The following RSRC1 variants were observed in gnomAD, a reference collection of about 807,000 sequenced individuals.
RSRC1 encodes arginine and serine rich coiled-coil 1, also known as serine/Arginine-related protein 53.
Under a neutral mutation model 49.1 loss-of-function variants are expected in RSRC1, and 39 were observed. That is an observed-to-expected ratio of 0.79 (90% CI 0.61 to 1.04). The LOEUF is 1.04. Among genes scored for constraint, RSRC1 ranks in the 50% least tolerant of loss-of-function variants. The pLI, the probability that RSRC1 is intolerant of heterozygous loss-of-function variation, is 0.00. For missense variants in RSRC1, 388 were observed against 402.4 expected, an observed-to-expected ratio of 0.96 and a Z score of 0.31; for synonymous variants, 143 against 130.8, an observed-to-expected ratio of 1.09 and a Z score of -0.63.
At chr3:158,142,665 C>A (rs753252904) in intron 3 of RSRC1, among the ~76,000 whole-genome samples, 3 of 151,984 alleles carry the variant, frequency 2.0e-5, no homozygotes, top group African/African-American at 4.8e-5. Flanking sequence ...AGTGTCACAC[C>A]CTTTTAAACA....
intron 5 of RSRC1, among the ~76,000 whole-genome samples, chr3:158,325,489 C>T (rs1047227786): frequency 7.2e-5 from 11 of 152,168 alleles, no homozygotes; most frequent in Admixed American, 6.5e-4. Context: ...ATAGGGAATC[C>T]TTTCCTCATT....
At chr3:158,437,300 T>C (rs758196829) in intron 6 of RSRC1, among the ~76,000 whole-genome samples, 7 of 152,126 alleles carry the variant, frequency 4.6e-5, no homozygotes, top group Non-Finnish European at 4.4e-5. Context: ...TATTTCCTTT[T>C]CTAAAATTGA....
At chr3:158,383,287 A>C (rs1360490598) in intron 6 of RSRC1, among the ~76,000 whole-genome samples, 1 of 152,192 alleles carries the variant, frequency 6.6e-6, no homozygotes, top group Non-Finnish European at 1.5e-5. Flanking sequence ...GAAGACATAT[A>C]GTTGGCCCTC....
chr3:158,494,785 A>G (rs1739239898), intron 7 of RSRC1, among the ~76,000 whole-genome samples: 1 of 152,162 alleles, frequency 6.6e-6, no homozygotes, highest in Non-Finnish European at 1.5e-5. Flanking sequence ...CAGAATTGTC[A>G]ATATCAACGT....
At chr3:158,131,944 A>T (rs1716054754) in intron 3 of RSRC1, 1 of 191,830 alleles carries the variant, frequency 5.2e-6, no homozygotes, top group African/African-American at 2.3e-5. Context: ...TGTAAAGGCC[A>T]GCATAAATGC....
chr3:158,517,708 C>G (rs1031899771), intron 7 of RSRC1, among the ~76,000 whole-genome samples: 1 of 143,518 alleles, frequency 7.0e-6, no homozygotes, highest in Admixed American at 7.1e-5. Flanking sequence ...TCCACCTCAA[C>G]TTCCCAAAGT....
chr3:158,534,054 T>C (rs1360169116), intron 7 of RSRC1, among the ~76,000 whole-genome samples: 3 of 151,574 alleles, frequency 2.0e-5, no homozygotes, highest in Admixed American at 6.6e-5. Flanking sequence ...TGGGAAGATA[T>C]ATTCTTCCAA....
chr3:158,536,676 AT>A (rs1294604903), intron 7 of RSRC1, among the ~76,000 whole-genome samples: 4 of 151,484 alleles, frequency 2.6e-5, no homozygotes, highest in African/African-American at 9.7e-5. Context: ...TTTTAAATAT[AT>A]CAGATCCACC....
At chr3:158,527,710 G>A (rs1261611861) in intron 7 of RSRC1, among the ~76,000 whole-genome samples, 1 of 151,846 alleles carries the variant, frequency 6.6e-6, no homozygotes, top group Non-Finnish European at 1.5e-5. Flanking sequence ...TTAAACATGA[G>A]ACAGTAAACC....
At chr3:158,474,681 A>T (rs1305092391) in intron 7 of RSRC1, among the ~76,000 whole-genome samples, 1 of 152,150 alleles carries the variant, frequency 6.6e-6, no homozygotes. Context: ...GGAAGCATTC[A>T]TTCTAGTTTC....
intron 5 of RSRC1, among the ~76,000 whole-genome samples, chr3:158,326,626 G>C (rs1180772733): frequency 1.3e-5 from 2 of 152,120 alleles, no homozygotes; most frequent in Non-Finnish European, 1.5e-5. Context: ...GCTGGATTTG[G>C]TTTGCCAGTA....
rs115083590 is a variant in RSRC1, at chr3:158,471,943, G to A, written c.652+10940G>A. ...CATTTTAGGAAAATACCACATTATG[G>A]TTGTTTTTTGTGAAACGACAAAAAA... On this transcript the variant is annotated intron_variant, in intron 7 of 9. Transcript: ENST00000611884. Among the ~76,000 whole-genome samples, 626 of 152,186 alleles carry A rather than the reference G, an allele frequency of 4.1e-3. 4 individuals carry two copies. Among genetic ancestry groups the A allele is most frequent in the African/African-American group, 0.015 (604 of 41,516 alleles).
At chr3:158,415,541 G>A (rs962732885) in intron 6 of RSRC1, among the ~76,000 whole-genome samples, 1 of 151,794 alleles carries the variant, frequency 6.6e-6, no homozygotes, top group African/African-American at 2.4e-5. Context: ...TAAAAATAGG[G>A]TGTTAATATT....
At chr3:158,515,918 C>T (rs1342845951) in intron 7 of RSRC1, among the ~76,000 whole-genome samples, 46 of 151,606 alleles carry the variant, frequency 3.0e-4, no homozygotes, top group Admixed American at 5.2e-4. Context: ...GCATTCTTCA[C>T]GTAGTTCTCG....
At chr3:158,129,739 G>A (rs900364234) in intron 3 of RSRC1, among the ~76,000 whole-genome samples, 16 of 151,892 alleles carry the variant, frequency 1.1e-4, no homozygotes, top group African/African-American at 3.9e-4. Context: ...TGATTACTTT[G>A]GTTCTATAGT....
chr3:158,246,289 C>T lies in RSRC1; in HGVS notation c.494+43044C>T, dbSNP rs185417395. On this transcript the variant is annotated intron_variant, in intron 4 of 9. Coordinates refer to ENST00000611884, the MANE Select transcript of RSRC1 (RefSeq NM_001271838.2). ...GGAGGGATGGCATTAGGAGATATAC[C>T]TAATGTTAAATGACGAGTTAATGGG... 4.4e-4 allele frequency among the ~76,000 whole-genome samples: 67 copies of T among 151,796 alleles called. 5 individuals are homozygous for T. In the East Asian group the frequency reaches 5.8e-3, roughly 13 times the overall value.
At chr3:158,272,570 A>G (rs1169786227) in intron 4 of RSRC1, among the ~76,000 whole-genome samples, 1 of 152,078 alleles carries the variant, frequency 6.6e-6, no homozygotes, top group Non-Finnish European at 1.5e-5. Context: ...TTTTTCAAAA[A>G]AATTTTTAAT....
At chr3:158,253,841 G>A (rs898836663) in intron 4 of RSRC1, among the ~76,000 whole-genome samples, 1 of 152,022 alleles carries the variant, frequency 6.6e-6, no homozygotes, top group Non-Finnish European at 1.5e-5. Flanking sequence ...AGGTATACGT[G>A]TGTCATGTTG....
At chr3:158,185,573 A>G (rs1307484180) in intron 3 of RSRC1, among the ~76,000 whole-genome samples, 3 of 151,884 alleles carry the variant, frequency 2.0e-5, no homozygotes, top group Non-Finnish European at 1.5e-5. Context: ...TTCTACTCCT[A>G]TATTTAAAGT....
Sources: gnomAD v4.1 joint callset for allele counts (sites outside exome capture counted in the v4.1 genomes callset) on GRCh38, gnomAD v4.1.1 for gene constraint, MANE v1.5 for transcripts, NCBI Gene and HGNC (gene_info 2026-07-23, HGNC 2026-07-21) for gene names.